PCBP3: variants seen among roughly 807,000 people sequenced by gnomAD.
PCBP3 encodes the protein poly(rC) binding protein 3.
PCBP3 carries 25 observed loss-of-function variants against 52.7 expected under a neutral mutation model. The ratio of observed to expected loss-of-function variants is 0.47; its 90% CI spans 0.35 to 0.66. The LOEUF is 0.66. Among genes scored for constraint, PCBP3 ranks in the 30% least tolerant of loss-of-function variants. The pLI is 0.01. For synonymous variants in PCBP3, 162 were observed against 183.0 expected (o/e 0.89, Z 0.93); for missense variants, 391 against 490.3 (o/e 0.80, Z 1.91).
chr21:45,764,276 C>T (rs2089055707), intron 4 of PCBP3, among the ~76,000 whole-genome samples: 1 of 152,118 alleles, frequency 6.6e-6, no homozygotes, highest in Admixed American at 6.5e-5. Context: ...GCATGCGCCA[C>T]CACGCCCGGC....
intron 3 of PCBP3, among the ~76,000 whole-genome samples, chr21:45,748,391 T>C (rs1429848108): frequency 6.6e-6 from 1 of 152,186 alleles, no homozygotes; most frequent in African/African-American, 2.4e-5. Flanking sequence ...CCACCCTGTC[T>C]TTGGCGATGA....
intron 2 of PCBP3, among the ~76,000 whole-genome samples, chr21:45,679,901 A>G (rs1344741546): frequency 6.6e-6 from 1 of 152,198 alleles, no homozygotes; most frequent in East Asian, 1.9e-4. Flanking sequence ...ATTGAAGTTC[A>G]TGCTTTTGCC....
At chr21:45,757,988 C>T (rs942318456) in intron 4 of PCBP3, among the ~76,000 whole-genome samples, 1 of 151,956 alleles carries the variant, frequency 6.6e-6, no homozygotes, top group South Asian at 2.1e-4. Flanking sequence ...CAGGGCTCAG[C>T]TGATTCTTGT....
intron 5 of PCBP3, among the ~76,000 whole-genome samples, chr21:45,878,218 C>T (rs1257727058): frequency 1.3e-5 from 2 of 152,282 alleles, no homozygotes. Flanking sequence ...TTCTCTCCCA[C>T]CAGAGGACCT....
At chr21:45,882,543 A>C (rs766973122) in intron 5 of PCBP3, among the ~76,000 whole-genome samples, 5 of 151,588 alleles carry the variant, frequency 3.3e-5, no homozygotes, top group Non-Finnish European at 7.4e-5. Flanking sequence ...CCATTTCTCT[A>C]CTTTCTGCTT....
intron 4 of PCBP3, among the ~76,000 whole-genome samples, chr21:45,773,065 G>A (rs1486973747): frequency 1.3e-5 from 2 of 152,082 alleles, no homozygotes; most frequent in Non-Finnish European, 2.9e-5. Flanking sequence ...TTGCTGTGCA[G>A]AAGCTTTTTA....
intron 1 of PCBP3, among the ~76,000 whole-genome samples, chr21:45,667,454 A>G (rs2080882877): frequency 6.6e-6 from 1 of 151,960 alleles, no homozygotes; most frequent in African/African-American, 2.4e-5. Context: ...TTCAAATATG[A>G]TGTTGAACCA....
intron 4 of PCBP3, among the ~76,000 whole-genome samples, chr21:45,838,057 A>C (rs2147929444): frequency 6.6e-6 from 1 of 152,346 alleles, no homozygotes; most frequent in South Asian, 2.1e-4. Context: ...GGCAGGATAG[A>C]TGCTTCATTC....
At chr21:45,889,227 G>C (rs777559747) in intron 5 of PCBP3, among the ~76,000 whole-genome samples, 15 of 152,158 alleles carry the variant, frequency 9.9e-5, no homozygotes, top group Non-Finnish European at 2.2e-4. Flanking sequence ...AGTGGAGAGA[G>C]GAGCTGTTAA....
At chr21:45,849,819 A>C (rs1011533115) in intron 4 of PCBP3, 142 bp from the exon 5 acceptor site, 2 of 479,622 alleles carry the variant, frequency 4.2e-6, no homozygotes, top group African/African-American at 3.9e-5. Flanking sequence ...CTGTCTCCAC[A>C]CTCACACTGT....
chr21:45,832,621 G>A (rs977871615), intron 4 of PCBP3: 5 of 152,270 alleles, frequency 3.3e-5, no homozygotes, highest in African/African-American at 9.6e-5. Flanking sequence ...GTGTTCTCCA[G>A]TGAGTGAGTC....
chr21:45,888,405 G>A lies in PCBP3; in HGVS notation c.11-7803G>A, dbSNP rs1028488313. ...CTGCTCCTTGCATTTATGGGTGCCC[G>A]CGGGTGGGAACCGGGGCTAGAGCAG... is the stretch of plus-strand genomic sequence containing the variant. On this transcript the variant is annotated intron_variant, in intron 5 of 17. Coordinates refer to ENST00000681687, the MANE Select transcript of PCBP3 (RefSeq NM_001384156.1). Among the ~76,000 whole-genome samples the A allele has an allele frequency of 2.8e-4, 42 of 152,206 alleles. 1 individual carries two copies. Among genetic ancestry groups the A allele is most frequent in the Admixed American group, 2.1e-3 (32 of 15,292 alleles).
chr21:45,738,512 C>T (rs1330219263), intron 3 of PCBP3, among the ~76,000 whole-genome samples: 1 of 152,172 alleles, frequency 6.6e-6, no homozygotes, highest in Non-Finnish European at 1.5e-5. Context: ...CCTCGGCCTC[C>T]CAAAGTGCTG....
Position 45,905,891 on chromosome 21 carries a change from A to G in PCBP3, c.340-3464A>G, listed in dbSNP as rs144766661. ...GCACAGGCCCTGCCTGATCACCTCC[A>G]GCTTCAGTTGTGAAGTGGGATGTTA... On this transcript the variant is annotated intron_variant, in intron 9 of 17. Coordinates refer to ENST00000681687, the MANE Select transcript of PCBP3 (RefSeq NM_001384156.1). Among the ~76,000 whole-genome samples the G allele has an allele frequency of 5.0e-4, 76 of 152,328 alleles. 1 individual carries two copies. In the East Asian group the frequency reaches 0.014, roughly 27 times the overall value.
At chr21:45,688,021 G>A (rs1277557657) in intron 2 of PCBP3, among the ~76,000 whole-genome samples, 2 of 152,074 alleles carry the variant, frequency 1.3e-5, no homozygotes, top group Non-Finnish European at 2.9e-5. Context: ...ATGAGCCACC[G>A]TGCCTGGTCA....
chr21:45,750,395 A>AACC (rs2087334344), intron 3 of PCBP3: 2 of 87,686 alleles, frequency 2.3e-5, no homozygotes, highest in Admixed American at 1.3e-4. Flanking sequence ...CTGGGAGCAG[A>AACC]CCCCCCCCCC....
intron 3 of PCBP3, among the ~76,000 whole-genome samples, chr21:45,743,888 G>T (rs1388681100): frequency 6.6e-6 from 1 of 151,912 alleles, no homozygotes; most frequent in African/African-American, 2.4e-5. Context: ...CTTCTGTTTA[G>T]AAATGCAAAT....
At position 45,802,904 on chromosome 21, in the gene PCBP3, T is replaced by G. The variant is rs2092359804; in HGVS notation, c.-125-47057T>G. Among the ~76,000 whole-genome samples the G allele has an allele frequency of 6.6e-6, 1 of 152,234 alleles. No individual in the cohort carries two copies. Among genetic ancestry groups the G allele is most frequent in the South Asian group, 2.1e-4 (1 of 4,828 alleles). On this transcript the variant is annotated intron_variant, in intron 4 of 17. Coordinates refer to ENST00000681687, the MANE Select transcript of PCBP3 (RefSeq NM_001384156.1). The surrounding 1 kb of genome is among the most constrained non-coding windows in gnomAD (Gnocchi z 5.1). ...AACGACTCACTAGGTCTTGGTGCAT[T>G]TTTCATTGATACTCATATATTTACT...
At chr21:45,890,636 A>C (rs1339651485) in intron 5 of PCBP3, among the ~76,000 whole-genome samples, 1 of 55,504 alleles carries the variant, frequency 1.8e-5, no homozygotes, top group Non-Finnish European at 3.4e-5. Context: ...AACTCTGTGC[A>C]CTGCTGAGGG....
Sources: gnomAD v4.1 joint callset for allele counts (sites outside exome capture counted in the v4.1 genomes callset) on GRCh38, gnomAD v4.1.1 for gene constraint, Gnocchi (gnomAD v3.1) non-coding constraint, MANE v1.5 for transcripts, NCBI Gene and HGNC (gene_info 2026-07-23, HGNC 2026-07-21) for gene names.